The following CCDC7 variants were observed in gnomAD, a reference collection of about 807,000 sequenced individuals.
CCDC7 encodes the protein coiled-coil domain containing 7.
In CCDC7, 183 loss-of-function variants were observed where a neutral mutation model predicts 196.9. That is an observed-to-expected ratio of 0.93 (90% CI 0.82 to 1.05). CCDC7 has a LOEUF of 1.05. Ranked by LOEUF, CCDC7 falls within the 50% of genes least tolerant of loss-of-function variation. CCDC7 has a pLI of 0.00. For missense variants in CCDC7, 1,540 were observed against 1,482.2 expected, an observed-to-expected ratio of 1.04 and a Z score of -0.64; for synonymous variants, 525 against 484.6, an observed-to-expected ratio of 1.08 and a Z score of -1.10.
At chr10:32,623,033 A>T (rs889623503) in intron 18 of CCDC7, among the ~76,000 whole-genome samples, 7 of 152,152 alleles carry the variant, frequency 4.6e-5, no homozygotes, top group Non-Finnish European at 1.0e-4. Flanking sequence ...GTCATACAAC[A>T]TGTTGTTCTT....
chr10:32,676,126 C>A (rs543475566), intron 21 of CCDC7, among the ~76,000 whole-genome samples: 10 of 143,292 alleles, frequency 7.0e-5, no homozygotes, highest in South Asian at 4.8e-4. Context: ...GAAAAACAAG[C>A]AATGGGGAAA....
rs574861430 is a variant in CCDC7 at position 32,708,657 on chromosome 10, G to A, written c.2459-2963G>A. Among the ~76,000 whole-genome samples, 317 of 152,198 alleles carry A rather than the reference G, an allele frequency of 2.1e-3. 1 individual carries two copies. The highest frequency in any genetic ancestry group is 3.8e-3 in the Non-Finnish European group (256 of 68,008). On this transcript the variant is annotated intron_variant, in intron 24 of 41. Transcript: ENST00000639629. ...CAAACAACCCCATCAAAAAGTGGGC[G>A]AAGCATATGAACAGACACTTCTCAA...
intron 9 of CCDC7, among the ~76,000 whole-genome samples, chr10:32,503,839 A>C (rs993022317): frequency 1.3e-5 from 2 of 151,762 alleles, no homozygotes; most frequent in African/African-American, 4.8e-5. Context: ...CTATTTCTTC[A>C]GTCTTGGTAG....
chr10:32,616,643 C>T (rs530732155), intron 18 of CCDC7, among the ~76,000 whole-genome samples: 92 of 150,586 alleles, frequency 6.1e-4, no homozygotes, highest in Non-Finnish European at 5.6e-4. Flanking sequence ...TTTCTAATTT[C>T]GGTGGCTTTT....
chr10:32,725,466 T>G, intron 25 of CCDC7: 1 of 463,276 alleles, frequency 2.2e-6, no homozygotes, highest in Non-Finnish European at 4.5e-6. Flanking sequence ...TTCCTTTCAG[T>G]TTTAGTTCCC....
chr10:32,573,890 G>A (rs1319929739), intron 16 of CCDC7, among the ~76,000 whole-genome samples: 3 of 152,124 alleles, frequency 2.0e-5, no homozygotes, highest in Non-Finnish European at 4.4e-5. Context: ...CAAATATATG[G>A]TCATTGCCCT....
chr10:32,511,274 G>GGGGGAAATTTAATTTTTT, intron 9 of CCDC7: 1 of 775,022 alleles, frequency 1.3e-6, no homozygotes, highest in Non-Finnish European at 2.0e-6. Flanking sequence ...GGGGGGCGGG[G>GGGGGAAATTTAATTTTTT]AAATGTACTT....
At chr10:32,557,604 CT>C (rs1408490879) in intron 13 of CCDC7, among the ~76,000 whole-genome samples, 1 of 152,156 alleles carries the variant, frequency 6.6e-6, no homozygotes, top group Admixed American at 6.5e-5. Flanking sequence ...ACTTTTTCCA[CT>C]GTCATCAGAT....
At chr10:32,696,968 A>G (rs1050352056) in intron 24 of CCDC7, among the ~76,000 whole-genome samples, 2 of 152,182 alleles carry the variant, frequency 1.3e-5, no homozygotes, top group Non-Finnish European at 2.9e-5. Context: ...CATTTTTTGC[A>G]TGGACCAGGG....
intron 18 of CCDC7, among the ~76,000 whole-genome samples, chr10:32,596,225 G>A (rs2060337923): frequency 6.6e-6 from 1 of 152,120 alleles, no homozygotes; most frequent in South Asian, 2.1e-4. Flanking sequence ...CTCCTGTATT[G>A]GGTGCATATA....
At chr10:32,540,118 A>G (rs898969785) in intron 11 of CCDC7, among the ~76,000 whole-genome samples, 11 of 149,986 alleles carry the variant, frequency 7.3e-5, no homozygotes, top group East Asian at 2.0e-4. Flanking sequence ...TTTAATAGCA[A>G]TCTCCCACTA....
intron 13 of CCDC7, among the ~76,000 whole-genome samples, chr10:32,547,989 A>T (rs1028532974): frequency 6.6e-6 from 1 of 152,102 alleles, no homozygotes; most frequent in African/African-American, 2.4e-5. Flanking sequence ...TATCATTCTT[A>T]TGTCTTTGCA....
chr10:32,840,506 A>G (rs1200839010), intron 33 of CCDC7, among the ~76,000 whole-genome samples: 1 of 152,014 alleles, frequency 6.6e-6, no homozygotes, highest in Non-Finnish European at 1.5e-5. Context: ...TGAAATGGTA[A>G]TTTAAAAATT....
At chr10:32,701,950 T>C (rs779412464) in intron 24 of CCDC7, among the ~76,000 whole-genome samples, 34 of 152,346 alleles carry the variant, frequency 2.2e-4, no homozygotes, top group Middle Eastern at 6.8e-3. Context: ...GTCAATTTTG[T>C]TGGTCTTTTC....
intron 21 of CCDC7, among the ~76,000 whole-genome samples, chr10:32,667,170 T>C (rs940433845): frequency 6.6e-6 from 1 of 152,230 alleles, no homozygotes; most frequent in Non-Finnish European, 1.5e-5. Context: ...ATGTCTTCTT[T>C]TGAGAAGTGT....
At chr10:32,520,754 G>T (rs1175895114) in intron 11 of CCDC7, among the ~76,000 whole-genome samples, 1 of 151,778 alleles carries the variant, frequency 6.6e-6, no homozygotes, top group African/African-American at 2.4e-5. Context: ...TTTATTTTTT[G>T]GTTACCTATA....
At chr10:32,798,656 T>A (rs901414992) in intron 29 of CCDC7, among the ~76,000 whole-genome samples, 1 of 152,338 alleles carries the variant, frequency 6.6e-6, no homozygotes, top group Admixed American at 6.5e-5. Context: ...CCAGGCAAAC[T>A]ATTGGCTACA....
chr10:32,620,955 A>G (rs1027136603), intron 18 of CCDC7, among the ~76,000 whole-genome samples: 3 of 152,166 alleles, frequency 2.0e-5, no homozygotes, highest in Non-Finnish European at 2.9e-5. Flanking sequence ...GCTGAATTTA[A>G]TCTTGACATT....
At chr10:32,728,230 G>A (rs567260870) in intron 26 of CCDC7, among the ~76,000 whole-genome samples, 2 of 152,172 alleles carry the variant, frequency 1.3e-5, no homozygotes, top group African/African-American at 4.8e-5. Context: ...GGTGCCTTTG[G>A]TAGGTAGGTA....
Sources: allele counts gnomAD v4.1 joint callset (sites outside exome capture counted in the v4.1 genomes callset), GRCh38; gene constraint gnomAD v4.1.1; transcripts MANE v1.5; gene names NCBI Gene and HGNC (gene_info 2026-07-23, HGNC 2026-07-21).